Variants in GABRB1 observed in about 807,000 individuals in gnomAD.
GABRB1 encodes gamma-aminobutyric acid receptor subunit beta-1.
Under a neutral mutation model 51.6 loss-of-function variants are expected in GABRB1, and 17 were observed. The ratio of observed to expected loss-of-function variants is 0.33; its 90% CI spans 0.23 to 0.49. The LOEUF (loss-of-function observed/expected upper bound fraction) is 0.49. Ranked by LOEUF, GABRB1 falls within the 20% of genes least tolerant of loss-of-function variation. GABRB1 has a pLI of 0.99. For synonymous variants in GABRB1, 247 were observed against 218.9 expected (o/e 1.13, Z -1.14); for missense variants, 410 against 600.6 (o/e 0.68, Z 3.32).
At chr4:47,108,851 C>T (rs1372380198) in intron 3 of GABRB1, among the ~76,000 whole-genome samples, 2 of 151,982 alleles carry the variant, frequency 1.3e-5, no homozygotes, top group African/African-American at 4.8e-5. Context: ...AGAAAATAAA[C>T]ATCATTTCCC....
chr4:47,313,949 C>G (rs1312907674), intron 4 of GABRB1, among the ~76,000 whole-genome samples: 1 of 152,028 alleles, frequency 6.6e-6, no homozygotes, highest in Admixed American at 6.6e-5. Flanking sequence ...TCCTGTGAGT[C>G]TGAAATGTGG....
At chr4:47,204,049 G>T (rs1444221967) in intron 4 of GABRB1, among the ~76,000 whole-genome samples, 2 of 152,186 alleles carry the variant, frequency 1.3e-5, no homozygotes, top group Admixed American at 1.3e-4. Flanking sequence ...TAAAGGCTGA[G>T]AAATAAAAAA....
At chr4:47,018,491 T>A (rs1349769417) in intron 1 of GABRB1, among the ~76,000 whole-genome samples, 1 of 152,152 alleles carries the variant, frequency 6.6e-6, no homozygotes, top group Non-Finnish European at 1.5e-5. Context: ...AATATGTAGT[T>A]GACCTTTTTA....
intron 7 of GABRB1, among the ~76,000 whole-genome samples, chr4:47,405,523 C>T (rs1456318602): frequency 6.6e-6 from 1 of 151,978 alleles, no homozygotes; most frequent in African/African-American, 2.4e-5. Context: ...TGTAACATTT[C>T]TATGCTCTTT....
At chr4:47,279,085 TGG>T (rs1723185331) in intron 4 of GABRB1, among the ~76,000 whole-genome samples, 2 of 24,210 alleles carry the variant, frequency 8.3e-5, no homozygotes, top group African/African-American at 3.3e-4. Flanking sequence ...TTCTTAGGAA[TGG>T]ATGGATGGAT....
In GABRB1 at chr4:47,195,476, TA is replaced by T. The variant is rs200702039; in HGVS notation, c.461+34008del. Among the ~76,000 whole-genome samples the T allele has an allele frequency of 1.0e-3, 94 of 92,550 alleles. 1 individual carries two copies. Among genetic ancestry groups the T allele is most frequent in the Admixed American group, 7.0e-3 (56 of 7,960 alleles). 60.7% of individuals were successfully genotyped at this position (92,550 alleles called of 152,430 possible). On this transcript the variant is annotated intron_variant, in intron 4 of 8. Transcript: ENST00000295454. The stretch of plus-strand genomic sequence containing the variant: ...ATAGATTAGATGATAGATAGATAGA[TA>T]GATAGATAGATAGATAGATAGATAG...
chr4:47,264,708 T>C (rs569754727), intron 4 of GABRB1, among the ~76,000 whole-genome samples: 2 of 152,232 alleles, frequency 1.3e-5, no homozygotes, highest in Non-Finnish European at 2.9e-5. Context: ...TACATGAATT[T>C]TCACAAATAC....
Position 47,283,912 on chromosome 4 carries a change from C to T in GABRB1, c.462-36215C>T, listed in dbSNP as rs77123819. On this transcript the variant is annotated intron_variant, in intron 4 of 8. Coordinates refer to ENST00000295454, the MANE Select transcript of GABRB1 (RefSeq NM_000812.4). The stretch of plus-strand genomic sequence containing the variant: ...AAAATGCAAAAGACGGATTGTCAAG[C>T]TTCTCACAGTACTGAGCCAATCAAA... 7.4e-3 allele frequency among the ~76,000 whole-genome samples: 1,130 copies of T among 152,020 alleles called. 11 individuals are homozygous for T. The highest frequency in any genetic ancestry group is 0.027 in the East Asian group (138 of 5,116).
intron 4 of GABRB1, among the ~76,000 whole-genome samples, chr4:47,287,800 C>T (rs913581087): frequency 1.3e-5 from 2 of 152,166 alleles, no homozygotes; most frequent in African/African-American, 2.4e-5. Flanking sequence ...TGAGAGTTTC[C>T]CTATGGACAT....
intron 5 of GABRB1, among the ~76,000 whole-genome samples, chr4:47,371,838 G>A (rs575050888): frequency 6.6e-6 from 1 of 151,420 alleles, no homozygotes; most frequent in East Asian, 2.0e-4. Context: ...CTGGATATTA[G>A]ACCTTTGTCA....
At chr4:47,325,428 C>T (rs1442829895) in intron 5 of GABRB1, among the ~76,000 whole-genome samples, 6 of 61,254 alleles carry the variant, frequency 9.8e-5, no homozygotes, top group Non-Finnish European at 2.2e-4. Context: ...GCCTCAGACT[C>T]CATCTCAAAA....
chr4:47,287,818 T>C (rs1723567610), intron 4 of GABRB1, among the ~76,000 whole-genome samples: 1 of 152,242 alleles, frequency 6.6e-6, no homozygotes, highest in South Asian at 2.1e-4. Context: ...CATGCCTATA[T>C]GACAAGAAAC....
intron 4 of GABRB1, among the ~76,000 whole-genome samples, chr4:47,308,764 T>G (rs1168809776): frequency 6.6e-6 from 1 of 152,106 alleles, no homozygotes; most frequent in Non-Finnish European, 1.5e-5. Context: ...ACTTACTGAT[T>G]CCAAGTCAGA....
chr4:47,143,364 C>T (rs752942329), intron 3 of GABRB1, among the ~76,000 whole-genome samples: 25 of 151,498 alleles, frequency 1.7e-4, no homozygotes, highest in Admixed American at 8.6e-4. Flanking sequence ...TTTTCTTTCC[C>T]GGTATTATTT....
intron 4 of GABRB1, among the ~76,000 whole-genome samples, chr4:47,228,580 T>C (rs923890478): frequency 2.6e-5 from 4 of 152,156 alleles, no homozygotes; most frequent in Non-Finnish European, 5.9e-5. Context: ...TGGATCTTTG[T>C]ATGTCTATCA....
chr4:47,263,155 G>C (rs189717795), intron 4 of GABRB1, among the ~76,000 whole-genome samples: 1 of 151,026 alleles, frequency 6.6e-6, no homozygotes, highest in Admixed American at 6.6e-5. Flanking sequence ...TAACTAACCT[G>C]CACATTGTGC....
intron 4 of GABRB1, among the ~76,000 whole-genome samples, chr4:47,183,930 T>C (rs1019889798): frequency 7.9e-5 from 12 of 151,930 alleles, no homozygotes; most frequent in African/African-American, 2.7e-4. Flanking sequence ...CTTTAATCTC[T>C]TCACTCAGTT....
At chr4:47,385,942 T>A (rs1342560743) in intron 5 of GABRB1, among the ~76,000 whole-genome samples, 1 of 152,206 alleles carries the variant, frequency 6.6e-6, no homozygotes, top group East Asian at 1.9e-4. Flanking sequence ...GGGCAAAGAA[T>A]GGCAGGGAGT....
chr4:47,030,699 C>T (rs1725261071), upstream of GABRB1, among the ~76,000 whole-genome samples: 1 of 152,198 alleles, frequency 6.6e-6, no homozygotes. Flanking sequence ...ACAATACTTG[C>T]TCCTGCAGAA....
Sources: allele counts gnomAD v4.1 joint callset (sites outside exome capture counted in the v4.1 genomes callset), GRCh38; gene constraint gnomAD v4.1.1; transcripts MANE v1.5; gene names NCBI Gene and HGNC (gene_info 2026-07-23, HGNC 2026-07-21).